The following ROR1 variants were observed in gnomAD, a reference collection of about 807,000 sequenced individuals.
ROR1 encodes the protein inactive tyrosine-protein kinase transmembrane receptor ROR1.
Under a neutral mutation model 78.8 loss-of-function variants are expected in ROR1, and 19 were observed. That is an observed-to-expected ratio of 0.24 (90% CI 0.17 to 0.35). ROR1 has a LOEUF of 0.35. Among genes scored for constraint, ROR1 ranks in the 10% least tolerant of loss-of-function variants. The pLI, the probability that ROR1 is intolerant of heterozygous loss-of-function variation, is 1.00. For missense variants in ROR1, 917 were observed against 1,177.8 expected (o/e 0.78, Z 3.24); for synonymous variants, 386 against 433.6 (o/e 0.89, Z 1.36).
chr1:63,840,752 G>A (rs897883438), intron 1 of ROR1, among the ~76,000 whole-genome samples: 2 of 152,192 alleles, frequency 1.3e-5, no homozygotes, highest in African/African-American at 4.8e-5. Flanking sequence ...AGACTCTGGA[G>A]CCAGACAGAC....
At chr1:63,973,676 A>G (rs1284412129) in intron 1 of ROR1, among the ~76,000 whole-genome samples, 1 of 152,140 alleles carries the variant, frequency 6.6e-6, no homozygotes, top group African/African-American at 2.4e-5. Context: ...GACTTGCTGG[A>G]TGTTTGTTAA....
intron 7 of ROR1, among the ~76,000 whole-genome samples, chr1:64,156,859 A>G (rs1319725512): frequency 1.3e-5 from 2 of 152,172 alleles, no homozygotes; most frequent in African/African-American, 2.4e-5. Context: ...AAATTCTCCA[A>G]TTATTGGCAG....
chr1:63,800,206 G>A (rs1461937416), intron 1 of ROR1, among the ~76,000 whole-genome samples: 8 of 152,186 alleles, frequency 5.3e-5, no homozygotes, highest in African/African-American at 1.4e-4. Context: ...TGTTGAAAAT[G>A]TGAATGAAGA....
intron 1 of ROR1, among the ~76,000 whole-genome samples, chr1:63,983,602 G>A (rs1646228068): frequency 6.6e-6 from 1 of 152,152 alleles, no homozygotes; most frequent in Admixed American, 6.5e-5. Context: ...GAGTGTGGCT[G>A]GTACCCTGCA....
intron 8 of ROR1, among the ~76,000 whole-genome samples, chr1:64,174,487 T>G (rs1252085618): frequency 6.6e-6 from 1 of 152,188 alleles, no homozygotes; most frequent in Non-Finnish European, 1.5e-5. Flanking sequence ...TATGGATACT[T>G]TTCAAGCAGT....
chr1:63,832,696 T>G (rs749898395), intron 1 of ROR1, among the ~76,000 whole-genome samples: 16 of 152,216 alleles, frequency 1.1e-4, no homozygotes, highest in Non-Finnish European at 2.1e-4. Context: ...ACACACACAT[T>G]TTTTCAAAGC....
At position 64,140,204 on chromosome 1, in the gene ROR1, G is replaced by A. The variant is rs780850122; in HGVS notation, c.706G>A (p.Asp236Asn). The A allele has an allele frequency of 9.9e-6, 16 of 1,613,966 alleles. No individual in the cohort carries two copies. Among genetic ancestry groups the A allele is most frequent in the East Asian group, 2.2e-5 (1 of 44,880 alleles). Residue 236 changes from aspartate (D) to asparagine (N), a missense_variant, in exon 6 of 9, where the codon GAT (aspartate) becomes AAT (asparagine). Transcript: ENST00000371079. ...GTGCCACTATGCCTTCCCGTACTGC[G>A]ATGAAACTTCATCCGTCCCAAAGCC... Reference protein sequence around the residue: ...SLCHYAFPYCDETSSVPKPRD... With the variant: ...SLCHYAFPYCNETSSVPKPRD...
chr1:64,058,227 G>C (rs1293521329), intron 4 of ROR1, among the ~76,000 whole-genome samples: 1 of 151,740 alleles, frequency 6.6e-6, no homozygotes, highest in Non-Finnish European at 1.5e-5. Context: ...CAGTTTTTTT[G>C]TGAATTCTTT....
chr1:63,971,932 T>C (rs1646122706), intron 1 of ROR1, among the ~76,000 whole-genome samples: 1 of 152,196 alleles, frequency 6.6e-6, no homozygotes, highest in African/African-American at 2.4e-5. Context: ...CTGGCATTCA[T>C]GGGCTATTCT....
intron 1 of ROR1, among the ~76,000 whole-genome samples, chr1:63,832,026 G>A (rs973743966): frequency 1.3e-5 from 2 of 152,098 alleles, no homozygotes; most frequent in African/African-American, 2.4e-5. Flanking sequence ...AAATGCCACC[G>A]GTCTCTTTGC....
intron 1 of ROR1, among the ~76,000 whole-genome samples, chr1:63,871,759 T>C (rs965920582): frequency 6.6e-6 from 1 of 152,210 alleles, no homozygotes; most frequent in Non-Finnish European, 1.5e-5. Context: ...CATTTTCCCA[T>C]GCTTATCCCT....
At chr1:64,089,791 G>A (rs1222476570) in intron 4 of ROR1, among the ~76,000 whole-genome samples, 1 of 152,168 alleles carries the variant, frequency 6.6e-6, no homozygotes, top group African/African-American at 2.4e-5. Context: ...CGGTTTGGTT[G>A]TTTCCCTACC....
At chr1:63,857,251 G>A (rs1645154885) in intron 1 of ROR1, among the ~76,000 whole-genome samples, 1 of 150,842 alleles carries the variant, frequency 6.6e-6, no homozygotes, top group African/African-American at 2.4e-5. Context: ...AGTTGTTGTT[G>A]ATGGCTTGGA....
At chr1:63,904,387 G>C (rs542800148) in intron 1 of ROR1, among the ~76,000 whole-genome samples, 38 of 152,262 alleles carry the variant, frequency 2.5e-4, no homozygotes, top group Non-Finnish European at 3.8e-4. Flanking sequence ...ACAGTCCCAG[G>C]CTCTTTTCCT....
At position 64,077,781 on chromosome 1, in the gene ROR1, A is replaced by G. The variant is rs1409811409; in HGVS notation, c.482+27065A>G. Among the ~76,000 whole-genome samples the G allele has an allele frequency of 2.0e-5, 3 of 152,240 alleles. No homozygotes were observed. In the East Asian group the frequency reaches 5.8e-4, roughly 29 times the overall value. ...CATGAAGATAAGTCAGAGGTTTTAA[A>G]TGTGATATCACTGCTGAAAAGGCCA... On this transcript the variant is annotated intron_variant, in intron 4 of 8. Coordinates refer to ENST00000371079, the MANE Select transcript of ROR1 (RefSeq NM_005012.4).
intron 1 of ROR1, among the ~76,000 whole-genome samples, chr1:63,828,016 T>A (rs1376861092): frequency 6.6e-6 from 1 of 152,240 alleles, no homozygotes; most frequent in Non-Finnish European, 1.5e-5. Flanking sequence ...ATTTATATGT[T>A]CAGGATTTTC....
At chr1:63,931,239 G>A (rs185677832) in intron 1 of ROR1, among the ~76,000 whole-genome samples, 8 of 152,292 alleles carry the variant, frequency 5.3e-5, no homozygotes, top group Admixed American at 2.0e-4. Context: ...CCGAGATGGC[G>A]CTACCATACT....
chr1:64,125,470 A>C (rs1277426744), intron 4 of ROR1, among the ~76,000 whole-genome samples: 1 of 152,196 alleles, frequency 6.6e-6, no homozygotes, highest in Non-Finnish European at 1.5e-5. Flanking sequence ...ATGACTACAA[A>C]GCTGGGAGTT....
intron 1 of ROR1, among the ~76,000 whole-genome samples, chr1:63,905,052 C>A (rs1374236738): frequency 6.6e-6 from 1 of 152,112 alleles, no homozygotes; most frequent in African/African-American, 2.4e-5. Flanking sequence ...TGGGCCCTAT[C>A]TTATGTCACC....
Sources: gnomAD v4.1 joint callset for allele counts (sites outside exome capture counted in the v4.1 genomes callset) on GRCh38, gnomAD v4.1.1 for gene constraint, MANE v1.5 for transcripts, NCBI Gene and HGNC (gene_info 2026-07-23, HGNC 2026-07-21) for gene names.